Variants in KDM2B observed in about 807,000 individuals in gnomAD.
KDM2B encodes lysine-specific demethylase 2B.
A neutral mutation model predicts 150.0 loss-of-function variants in KDM2B; 26 were observed. That is an observed-to-expected ratio of 0.17 (90% confidence interval 0.13 to 0.24). The LOEUF (loss-of-function observed/expected upper bound fraction) is 0.24. Ranked by LOEUF, KDM2B falls within the 10% of genes least tolerant of loss-of-function variation. The pLI is 1.00. For synonymous variants in KDM2B, 734 were observed against 729.5 expected, an observed-to-expected ratio of 1.01 and a Z score of -0.10; for missense variants, 1,265 against 1,816.9, an observed-to-expected ratio of 0.70 and a Z score of 5.52.
At chr12:121,474,377 G>A (rs931650653) in intron 12 of KDM2B, among the ~76,000 whole-genome samples, 17 of 152,168 alleles carry the variant, frequency 1.1e-4, no homozygotes, top group Admixed American at 4.6e-4. Context: ...TTAGCTGGGC[G>A]CGGTAGCGGG....
chr12:121,556,880 G>T (rs1889938570), intron 4 of KDM2B, among the ~76,000 whole-genome samples: 1 of 151,438 alleles, frequency 6.6e-6, no homozygotes. Flanking sequence ...CCAACCTCAG[G>T]CATTCCTTTA....
In KDM2B at chr12:121,509,551, C is replaced by A. The variant is rs782801665; in HGVS notation, c.1647+16G>T. On this transcript the variant is annotated intron_variant, in intron 11 of 22. Coordinates refer to ENST00000377071, the MANE Select transcript of KDM2B (RefSeq NM_032590.5). ...CCCTCCTCGGCCGCCCAGCCCCAGA[C>A]GCCACTCCTGCCCACCTTCACACCC... 1.2e-6 allele frequency: 2 copies of A among 1,609,218 alleles called. No homozygotes were observed. The highest frequency in any genetic ancestry group is 1.7e-6 in the Non-Finnish European group (2 of 1,177,888).
At chr12:121,577,300 T>A (rs1555316999) in intron 2 of KDM2B, among the ~76,000 whole-genome samples, 1 of 151,446 alleles carries the variant, frequency 6.6e-6, no homozygotes, top group Non-Finnish European at 1.5e-5. Flanking sequence ...GGGCTGAGAA[T>A]TCCTCCCAAA....
intron 1 of KDM2B, chr12:121,580,506 T>C: frequency 1.7e-6 from 2 of 1,195,466 alleles, no homozygotes; most frequent in Non-Finnish European, 2.1e-6. Context: ...GCCCGGGAGT[T>C]GTGTGCAGAG....
chr12:121,440,085 C>A lies in KDM2B; in HGVS notation c.3611-10G>T, dbSNP rs782286270. Reference sequence around the variant, plus strand: ...CGATTGTCCATCTGACCTGGTGGGGCAGGAAGGAGGGGGCAACCCGTCAAT... The same window carrying A: ...CGATTGTCCATCTGACCTGGTGGGGAAGGAAGGAGGGGGCAACCCGTCAAT... On this transcript the variant is annotated splice_polypyrimidine_tract_variant and intron_variant, in intron 21 of 22. Coordinates refer to ENST00000377071, the MANE Select transcript of KDM2B (RefSeq NM_032590.5). The A allele has an allele frequency of 1.9e-6, 3 of 1,586,988 alleles. No individual in the cohort carries two copies. Among genetic ancestry groups the A allele is most frequent in the South Asian group, 1.1e-5 (1 of 88,254 alleles).
chr12:121,570,898 CAA>C (rs546516187), intron 4 of KDM2B, among the ~76,000 whole-genome samples: 51 of 152,166 alleles, frequency 3.4e-4, no homozygotes, highest in African/African-American at 1.2e-3. Flanking sequence ...TCATAACAGC[CAA>C]AAAGTAGAAA....
rs1555289927 is a variant in KDM2B at position 121,445,341 on chromosome 12, G to C, written c.2037C>G (p.Gly679=). 1 of 1,613,570 alleles carries C rather than the reference G, an allele frequency of 6.2e-7. No homozygotes were observed. The highest frequency in any genetic ancestry group is 1.1e-5 in the South Asian group (1 of 90,976). The change falls in exon 14 of 23, where the codon GGC becomes GGG. Residue 679 remains glycine (G), a synonymous_variant. Coordinates refer to ENST00000377071, the MANE Select transcript of KDM2B (RefSeq NM_032590.5). Reference sequence around the variant, plus strand: ...ACTCCATGAGCATGAGGTTAAACTTGCCTTCCTCCTCTTCCACCGTGTCTT... The same window carrying C: ...ACTCCATGAGCATGAGGTTAAACTTCCCTTCCTCCTCTTCCACCGTGTCTT... The part of the protein sequence containing the change: ...GKEDTVEEEE[G]KFNLMLMECS...
chr12:121,485,400 A>G (rs1555298707), intron 12 of KDM2B, among the ~76,000 whole-genome samples: 1 of 151,698 alleles, frequency 6.6e-6, no homozygotes, highest in Admixed American at 6.6e-5. Flanking sequence ...CATCCCTGAC[A>G]CCTCCCCTCA....
intron 8 of KDM2B, among the ~76,000 whole-genome samples, chr12:121,531,900 C>T (rs549816385): frequency 5.3e-5 from 8 of 152,202 alleles, no homozygotes; most frequent in Middle Eastern, 3.4e-3. Flanking sequence ...GGAGACCAGC[C>T]GGGACAACAT....
intron 11 of KDM2B, among the ~76,000 whole-genome samples, chr12:121,497,418 C>A (rs1884089025): frequency 6.6e-6 from 1 of 152,098 alleles, no homozygotes; most frequent in Non-Finnish European, 1.5e-5. Flanking sequence ...GAGTCTCCTG[C>A]CTCAGCCTCC....
intron 21 of KDM2B, 146 bp from the exon 22 acceptor site, chr12:121,440,221 T>C (rs1874742826): frequency 1.6e-6 from 1 of 619,904 alleles, no homozygotes; most frequent in Admixed American, 2.9e-5. Flanking sequence ...AAATCATAAT[T>C]CCAACAGTGA....
intron 6 of KDM2B, among the ~76,000 whole-genome samples, chr12:121,545,197 T>C (rs1465061772): frequency 1.3e-5 from 2 of 152,140 alleles, no homozygotes; most frequent in African/African-American, 2.4e-5. Flanking sequence ...TTAACTGAAA[T>C]CGGTATTCTT....
intron 12 of KDM2B, among the ~76,000 whole-genome samples, chr12:121,491,654 CGTG>C (rs1351580335): frequency 2.0e-5 from 3 of 151,714 alleles, no homozygotes; most frequent in African/African-American, 7.3e-5. Context: ...ATTTGCCGGG[CGTG>C]GTGGTACGCG....
In KDM2B at chr12:121,443,802, G is replaced by C; in HGVS notation, c.2452-9C>G. 3.3e-6 allele frequency: 5 copies of C among 1,531,666 alleles called. No homozygotes were observed. Among genetic ancestry groups the C allele is most frequent in the Non-Finnish European group, 4.5e-6 (5 of 1,121,524 alleles). 94.9% of individuals were successfully genotyped at this position (1,531,666 alleles called of 1,614,324 possible). A position where few individuals can be genotyped will look rare whatever the true frequency, so the allele number is the denominator to read the frequency against. On this transcript the variant is annotated splice_polypyrimidine_tract_variant and intron_variant, in intron 16 of 22. Transcript: ENST00000377071. Reference sequence around the variant, plus strand: ...GTTTGAAGCGATGAGGCCTAAAGGGGGGTGGAGTGGGAAGAGGAGTGACTC... The same window carrying C: ...GTTTGAAGCGATGAGGCCTAAAGGGCGGTGGAGTGGGAAGAGGAGTGACTC...
chr12:121,444,641 C>A, intron 14 of KDM2B, 105 bp from the exon 15 acceptor site: 1 of 885,672 alleles, frequency 1.1e-6, no homozygotes, highest in African/African-American at 1.6e-5. Flanking sequence ...CACCCCCTCC[C>A]CAACGTCACA....
In KDM2B at chr12:121,516,537, T is replaced by G. The variant is rs1344925968; in HGVS notation, c.1048-3135A>C. ...GCCACATGCCTGGGGACATTAAACATACGGTTGCTCAACATTATTTGTTGA... is the reference window on the plus strand; with the variant it reads ...GCCACATGCCTGGGGACATTAAACAGACGGTTGCTCAACATTATTTGTTGA... On this transcript the variant is annotated intron_variant, in intron 9 of 22. Coordinates refer to ENST00000377071, the MANE Select transcript of KDM2B (RefSeq NM_032590.5). 4.2e-6 allele frequency: 6 copies of G among 1,435,180 alleles called. No homozygotes were observed. The Admixed American group carries it at 7.4e-5, about 18-fold the overall frequency. The allele number at this position is 1,435,180 out of a possible 1,614,324, so 88.9% of individuals were successfully genotyped here.
chr12:121,535,909 T>G (rs1888050164), intron 6 of KDM2B: 1 of 268,666 alleles, frequency 3.7e-6, no homozygotes, highest in African/African-American at 2.3e-5. Context: ...TCCCTGCCAC[T>G]TGCCCCTTCC....
At chr12:121,450,126 C>A (rs1298169857) in intron 13 of KDM2B, among the ~76,000 whole-genome samples, 2 of 151,734 alleles carry the variant, frequency 1.3e-5, no homozygotes, top group African/African-American at 4.8e-5. Context: ...CCAGCCTAGA[C>A]AATAGAGTGA....
rs368219190 is a variant in KDM2B, at chr12:121,521,014, G to T, written c.1018C>A (p.Arg340=). 2 of 1,613,976 alleles carry T rather than the reference G, an allele frequency of 1.2e-6. No homozygotes were observed. Among genetic ancestry groups the T allele is most frequent in the Middle Eastern group, 1.7e-4 (1 of 6,060 alleles). Reference sequence around the variant, plus strand: ...GTCCTGTCCTCGATCTCGTAGATCCGCAGCTGCATGGGCACGTTAAAGCTG... The same window carrying T: ...GTCCTGTCCTCGATCTCGTAGATCCTCAGCTGCATGGGCACGTTAAAGCTG... ...LHSFNVPMQL[R]IYEIEDRTRV... Residue 340 remains arginine, a synonymous_variant, in exon 9 of 23, where the codon CGG becomes AGG. Coordinates refer to ENST00000377071, the MANE Select transcript of KDM2B (RefSeq NM_032590.5). This position sits in a 1 kb window ranked among gnomAD's most constrained non-coding sequence, Gnocchi z 4.9.
Sources: allele counts gnomAD v4.1 joint callset (sites outside exome capture counted in the v4.1 genomes callset), GRCh38; gene constraint gnomAD v4.1.1; non-coding constraint Gnocchi (gnomAD v3.1); transcripts MANE v1.5; gene names NCBI Gene and HGNC (gene_info 2026-07-23, HGNC 2026-07-21).